Variants in CNTN5 observed in about 807,000 individuals in gnomAD.
The protein encoded by CNTN5 is contactin-5.
Under a neutral mutation model 129.1 loss-of-function variants are expected in CNTN5, and 77 were observed. That is an observed-to-expected ratio of 0.60 (90% confidence interval 0.50 to 0.72). The LOEUF (loss-of-function observed/expected upper bound fraction) is 0.72, where lower values mean the gene tolerates loss of function less well. Ranked by LOEUF, CNTN5 falls within the 30% of genes least tolerant of loss-of-function variation. CNTN5 has a pLI of 0.00. For missense variants in CNTN5, 1,478 were observed against 1,328.8 expected (o/e 1.11, Z -1.75); for synonymous variants, 509 against 465.6 (o/e 1.09, Z -1.20).
chr11:99,751,040 C>T (rs982967332), intron 3 of CNTN5, among the ~76,000 whole-genome samples: 2 of 152,044 alleles, frequency 1.3e-5, no homozygotes, highest in African/African-American at 4.8e-5. Flanking sequence ...GATGTTCATC[C>T]CTCACGATTA....
At chr11:99,607,757 T>C (rs1184443396) in intron 3 of CNTN5, among the ~76,000 whole-genome samples, 5 of 125,580 alleles carry the variant, frequency 4.0e-5, no homozygotes, top group African/African-American at 1.4e-4. Flanking sequence ...CACCATGGAA[T>C]ACTATGCAGC....
intron 1 of CNTN5, among the ~76,000 whole-genome samples, chr11:99,258,693 C>T (rs7101562): frequency 0.61 from 93,178 of 151,618 alleles, 29,347 homozygotes; most frequent in African/African-American, 0.75. Context: ...TCAAATTATA[C>T]GTTGTATCTA....
chr11:100,195,424 C>A (rs1948612710), intron 15 of CNTN5, among the ~76,000 whole-genome samples: 2 of 151,808 alleles, frequency 1.3e-5, no homozygotes, highest in South Asian at 4.2e-4. Context: ...CAATAAATAC[C>A]TTTTTTTCCA....
intron 1 of CNTN5, among the ~76,000 whole-genome samples, chr11:99,228,429 G>A (rs1860809518): frequency 6.6e-6 from 1 of 152,012 alleles, no homozygotes; most frequent in Non-Finnish European, 1.5e-5. Context: ...AGCAGAGCAG[G>A]GTGATGGTTA....
intron 3 of CNTN5, among the ~76,000 whole-genome samples, chr11:99,777,189 A>T (rs950809596): frequency 6.6e-6 from 1 of 151,854 alleles, no homozygotes; most frequent in Non-Finnish European, 1.5e-5. Context: ...ACAATTTACT[A>T]TTCAAAAAAA....
chr11:99,362,831 T>C (rs1331092722), intron 2 of CNTN5, among the ~76,000 whole-genome samples: 1 of 152,068 alleles, frequency 6.6e-6, no homozygotes, highest in African/African-American at 2.4e-5. Flanking sequence ...ATTGTGCATA[T>C]GTGTAAAGTT....
intron 8 of CNTN5, among the ~76,000 whole-genome samples, chr11:100,001,754 C>T (rs1184360713): frequency 6.6e-6 from 1 of 152,072 alleles, no homozygotes; most frequent in Non-Finnish European, 1.5e-5. Flanking sequence ...TTTTTTAGAA[C>T]AATTAGTAAC....
At chr11:99,190,017 T>C (rs1858554283) in intron 1 of CNTN5, among the ~76,000 whole-genome samples, 1 of 151,734 alleles carries the variant, frequency 6.6e-6, no homozygotes, top group Non-Finnish European at 1.5e-5. Flanking sequence ...TGTATTTTTC[T>C]AGTAGTTTTA....
At chr11:99,796,021 G>T (rs151228228) in intron 3 of CNTN5, among the ~76,000 whole-genome samples, 2,725 of 152,272 alleles carry the variant, frequency 0.018, 37 homozygotes, top group Non-Finnish European at 0.026. Context: ...GCACTGGCAG[G>T]TGTGGGGTGT....
In CNTN5 at chr11:99,556,049, C is replaced by T. The variant is rs543059099; in HGVS notation, c.-70-96C>T. On this transcript the variant is annotated intron_variant, in intron 2 of 24. Coordinates refer to ENST00000524871, the MANE Select transcript of CNTN5 (RefSeq NM_014361.4). ...GACCTTTGCACTAATGGTTATTTAT[C>T]ATGTTATTAGGAGATTTTTGCATTG... The T allele has an allele frequency of 6.9e-6, 3 of 432,570 alleles. No homozygotes were observed. In the East Asian group the frequency reaches 1.0e-4, roughly 15 times the overall value. 26.8% of individuals were successfully genotyped at this position (432,570 alleles called of 1,614,324 possible). A position where few individuals can be genotyped will look rare whatever the true frequency, so the allele number is the denominator to read the frequency against.
At chr11:99,320,455 G>A (rs1040733693) in intron 1 of CNTN5, among the ~76,000 whole-genome samples, 1 of 152,076 alleles carries the variant, frequency 6.6e-6, no homozygotes, top group African/African-American at 2.4e-5. Context: ...AGGGAAAAAA[G>A]AGACATAAAT....
intron 3 of CNTN5, among the ~76,000 whole-genome samples, chr11:99,802,532 C>G (rs1946146367): frequency 6.6e-6 from 1 of 152,128 alleles, no homozygotes. Context: ...CTTCTCAGTT[C>G]CATGTTCTAT....
At chr11:99,254,494 T>C (rs1255344174) in intron 1 of CNTN5, among the ~76,000 whole-genome samples, 2 of 151,974 alleles carry the variant, frequency 1.3e-5, no homozygotes, top group East Asian at 3.9e-4. Flanking sequence ...GTAAAATGTA[T>C]CTTTACATTA....
intron 1 of CNTN5, among the ~76,000 whole-genome samples, chr11:99,148,763 C>A (rs1484286910): frequency 6.6e-6 from 1 of 152,036 alleles, no homozygotes; most frequent in Admixed American, 6.6e-5. Context: ...TCTTTATTTG[C>A]TATGTAGCCA....
At chr11:99,654,837 A>G (rs1952290738) in intron 3 of CNTN5, among the ~76,000 whole-genome samples, 1 of 152,136 alleles carries the variant, frequency 6.6e-6, no homozygotes, top group Non-Finnish European at 1.5e-5. Flanking sequence ...TAAACATAAT[A>G]GATTTGTTGC....
At chr11:100,224,623 TC>T in intron 15 of CNTN5, 68 bp from the exon 16 acceptor site, 2 of 1,503,146 alleles carry the variant, frequency 1.3e-6, no homozygotes, top group Non-Finnish European at 1.8e-6. Context: ...TATGCAAAGT[TC>T]CCCCTTAAGC....
At chr11:99,682,121 C>T (rs1953582901) in intron 3 of CNTN5, among the ~76,000 whole-genome samples, 1 of 151,984 alleles carries the variant, frequency 6.6e-6, no homozygotes, top group African/African-American at 2.4e-5. Flanking sequence ...AATAATCTAT[C>T]ATATAATGAG....
intron 2 of CNTN5, among the ~76,000 whole-genome samples, chr11:99,459,909 A>G (rs1279014296): frequency 6.6e-6 from 1 of 152,038 alleles, no homozygotes; most frequent in Admixed American, 6.6e-5. Context: ...CATAGGCTCA[A>G]ATATGCCTTA....
chr11:99,172,326 G>GGT (rs1202268658), intron 1 of CNTN5, among the ~76,000 whole-genome samples: 1 of 152,028 alleles, frequency 6.6e-6, no homozygotes, highest in African/African-American at 2.4e-5. Context: ...GAATATCATT[G>GGT]GTATACATTT....
Sources: gnomAD v4.1 joint callset for allele counts (sites outside exome capture counted in the v4.1 genomes callset) on GRCh38, gnomAD v4.1.1 for gene constraint, MANE v1.5 for transcripts, NCBI Gene and HGNC (gene_info 2026-07-23, HGNC 2026-07-21) for gene names.